MTA3: variants seen among roughly 807,000 people sequenced by gnomAD.
The protein encoded by MTA3 is metastasis-associated protein MTA3.
MTA3 carries 34 observed loss-of-function variants against 83.5 expected under a neutral mutation model. That is an observed-to-expected ratio of 0.41 (90% CI 0.31 to 0.54). The LOEUF (loss-of-function observed/expected upper bound fraction) is 0.54, where lower values mean the gene tolerates loss of function less well. Among genes scored for constraint, MTA3 ranks in the 20% least tolerant of loss-of-function variants. The pLI, the probability that MTA3 is intolerant of heterozygous loss-of-function variation, is 0.33. For synonymous variants in MTA3, 303 were observed against 252.7 expected (o/e 1.20, Z -1.89); for missense variants, 761 against 726.4 (o/e 1.05, Z -0.55).
intron 8 of MTA3, among the ~76,000 whole-genome samples, chr2:42,662,373 G>T (rs909067346): frequency 6.6e-6 from 1 of 151,238 alleles, no homozygotes; most frequent in Non-Finnish European, 1.5e-5. Flanking sequence ...TTTTCTAATG[G>T]TTTTAAAGTT....
At chr2:42,715,553 ATAT>A (rs917468448) in intron 14 of MTA3, among the ~76,000 whole-genome samples, 11 of 152,114 alleles carry the variant, frequency 7.2e-5, no homozygotes, top group African/African-American at 1.4e-4. Context: ...TTTCTATAAA[ATAT>A]TATGAGGATT....
At chr2:42,750,447 A>G (rs538367732) in intron 16 of MTA3, among the ~76,000 whole-genome samples, 14 of 151,344 alleles carry the variant, frequency 9.3e-5, no homozygotes, top group Non-Finnish European at 4.4e-5. Context: ...AACAATGTTT[A>G]AAAGTAGGAG....
rs181239847 is a variant in MTA3, at chr2:42,753,913, T to C, written c.*514T>C. The C allele has an allele frequency of 6.2e-4, 615 of 985,936 alleles. 18 individuals are homozygous for C. Among genetic ancestry groups the C allele is most frequent in the Middle Eastern group, 1.0e-3 (2 of 1,914 alleles). 61.1% of individuals were successfully genotyped at this position (985,936 alleles called of 1,614,324 possible). ...CAAGGTATTTCCCTGTCCTTGCTGTTACCGTCACTCAGCTTTTTCTCGATA... is the reference window on the plus strand; with the variant it reads ...CAAGGTATTTCCCTGTCCTTGCTGTCACCGTCACTCAGCTTTTTCTCGATA... On this transcript the variant is annotated 3_prime_UTR_variant, in exon 17 of 17. Coordinates refer to ENST00000405094, the MANE Select transcript of MTA3 (RefSeq NM_001330442.2).
At chr2:42,570,380 T>C in intron 1 of MTA3, 57 bp from the exon 2 acceptor site, 1 of 1,124,616 alleles carries the variant, frequency 8.9e-7, no homozygotes, top group Non-Finnish European at 1.3e-6. Context: ...AGTCTTGGAT[T>C]GACAAATCTG....
chr2:42,595,872 T>G (rs564947515), intron 3 of MTA3, among the ~76,000 whole-genome samples: 1 of 152,314 alleles, frequency 6.6e-6, no homozygotes, highest in Non-Finnish European at 1.5e-5. Flanking sequence ...CTTTTACATG[T>G]AAGTCCATTT....
chr2:42,602,915 T>C (rs554494588), intron 3 of MTA3, among the ~76,000 whole-genome samples: 1 of 152,290 alleles, frequency 6.6e-6, no homozygotes, highest in African/African-American at 2.4e-5. Flanking sequence ...AAGCCTCTGC[T>C]GGCTCATCAA....
chr2:42,531,546 G>C (rs1261272506), intron 2 of MTA3, among the ~76,000 whole-genome samples: 3 of 137,390 alleles, frequency 2.2e-5, no homozygotes, highest in Admixed American at 8.1e-5. Context: ...TCTGCCTCCC[G>C]GGTTCAAGCA....
In MTA3 at chr2:42,575,078, G is replaced by A. The variant is rs182712812; in HGVS notation, c.97-4029G>A. Among the ~76,000 whole-genome samples, 578 of 152,224 alleles carry A rather than the reference G, an allele frequency of 3.8e-3. 4 individuals carry two copies. Among genetic ancestry groups the A allele is most frequent in the Non-Finnish European group, 5.8e-3 (394 of 68,014 alleles). Reference sequence around the variant, plus strand: ...GACCTATGAGACCCTATATTCTTTGGCTGTCACTGCCCCTCTCTGACCTCC... The same window carrying A: ...GACCTATGAGACCCTATATTCTTTGACTGTCACTGCCCCTCTCTGACCTCC... On this transcript the variant is annotated intron_variant, in intron 2 of 16. Transcript: ENST00000405094.
intron 16 of MTA3, among the ~76,000 whole-genome samples, chr2:42,726,229 T>C (rs1039774947): frequency 1.3e-5 from 2 of 152,162 alleles, no homozygotes; most frequent in African/African-American, 4.8e-5. Context: ...AGAAACTGAA[T>C]TGGAAACAAC....
At chr2:42,500,422 G>A (rs1023457480) in intron 2 of MTA3, among the ~76,000 whole-genome samples, 2 of 152,056 alleles carry the variant, frequency 1.3e-5, no homozygotes, top group Non-Finnish European at 2.9e-5. Flanking sequence ...GCTGGGTGTG[G>A]TGGCACGTGC....
intron 9 of MTA3, among the ~76,000 whole-genome samples, chr2:42,686,063 T>TA (rs1692338286): frequency 1.3e-5 from 2 of 152,162 alleles, no homozygotes; most frequent in South Asian, 4.1e-4. Flanking sequence ...ACTAGACCTT[T>TA]ACCTGAGCAC....
At chr2:42,577,712 C>A (rs569310902) in intron 2 of MTA3, among the ~76,000 whole-genome samples, 128 of 152,238 alleles carry the variant, frequency 8.4e-4, no homozygotes, top group African/African-American at 2.9e-3. Context: ...AACTCCTGAC[C>A]TCGTGATCTG....
At chr2:42,548,954 C>T (rs1442327899) in intron 2 of MTA3, among the ~76,000 whole-genome samples, 1 of 127,002 alleles carries the variant, frequency 7.9e-6, no homozygotes, top group African/African-American at 3.1e-5. Flanking sequence ...GCAGGCAGAT[C>T]ACCTGAGGTC....
chr2:42,606,550 C>T (rs1380940194), intron 3 of MTA3, among the ~76,000 whole-genome samples: 1 of 147,704 alleles, frequency 6.8e-6, no homozygotes, highest in African/African-American at 2.5e-5. Context: ...CTCCTCACTT[C>T]CTAGATGGGA....
At chr2:42,694,298 G>T (rs1435166055) in intron 9 of MTA3, among the ~76,000 whole-genome samples, 1 of 151,944 alleles carries the variant, frequency 6.6e-6, no homozygotes, top group Non-Finnish European at 1.5e-5. Context: ...AAGTCCTCTG[G>T]CTCTGAGTCC....
intron 8 of MTA3, among the ~76,000 whole-genome samples, chr2:42,680,724 C>G (rs950961321): frequency 6.6e-6 from 1 of 152,170 alleles, no homozygotes; most frequent in Non-Finnish European, 1.5e-5. Context: ...GTTTTGGAAC[C>G]TAGTTATTCA....
intron 2 of MTA3, among the ~76,000 whole-genome samples, chr2:42,546,297 A>G (rs1676755449): frequency 6.6e-6 from 1 of 152,132 alleles, no homozygotes; most frequent in East Asian, 1.9e-4. Context: ...AAATTAGTGG[A>G]GGGTGTGGCC....
At chr2:42,753,340 G>T in intron 16 of MTA3, 34 bp from the exon 17 acceptor site, 2 of 1,550,384 alleles carry the variant, frequency 1.3e-6, no homozygotes, top group Non-Finnish European at 1.7e-6. Context: ...ATCGGGACTT[G>T]TTTAACCTTC....
intron 8 of MTA3, among the ~76,000 whole-genome samples, chr2:42,670,738 C>T (rs1558565740): frequency 1.6e-5 from 2 of 129,016 alleles, no homozygotes; most frequent in African/African-American, 5.7e-5. Context: ...TCCATAAACT[C>T]TAACACTATA....
Sources: allele counts gnomAD v4.1 joint callset (sites outside exome capture counted in the v4.1 genomes callset), GRCh38; gene constraint gnomAD v4.1.1; transcripts MANE v1.5; gene names NCBI Gene and HGNC (gene_info 2026-07-23, HGNC 2026-07-21).